The following CAMK4 variants were observed in gnomAD, a reference collection of about 807,000 sequenced individuals.
CAMK4 encodes calcium/calmodulin-dependent protein kinase type IV.
Under a neutral mutation model 44.9 loss-of-function variants are expected in CAMK4, and 22 were observed. The ratio of observed to expected loss-of-function variants is 0.49; its 90% CI spans 0.35 to 0.70. The LOEUF (loss-of-function observed/expected upper bound fraction) is 0.70, where lower values mean the gene tolerates loss of function less well. Among genes scored for constraint, CAMK4 ranks in the 30% least tolerant of loss-of-function variants. The pLI, the probability that CAMK4 is intolerant of heterozygous loss-of-function variation, is 0.01. For missense variants in CAMK4, 498 were observed against 586.8 expected (o/e 0.85, Z 1.56); for synonymous variants, 218 against 215.4 (o/e 1.01, Z -0.11).
chr5:111,299,730 T>G (rs149395999), intron 1 of CAMK4, among the ~76,000 whole-genome samples: 38 of 152,318 alleles, frequency 2.5e-4, no homozygotes, highest in African/African-American at 8.9e-4. Context: ...AGCTAGTGCT[T>G]TGCTTCTGTT....
chr5:111,376,954 C>A lies in CAMK4; in HGVS notation c.386+12C>A. 6.5e-7 allele frequency: 1 copy of A among 1,549,480 alleles called. No individual in the cohort carries two copies. The highest frequency in any genetic ancestry group is 8.8e-7 in the Non-Finnish European group (1 of 1,133,346). ...GAACTGTTTGATAGGTGAGTTGGTTCTGGAAATATAACCACAGAAAGGTTT... is the reference window on the plus strand; with the variant it reads ...GAACTGTTTGATAGGTGAGTTGGTTATGGAAATATAACCACAGAAAGGTTT... On this transcript the variant is annotated intron_variant, in intron 4 of 10. Transcript: ENST00000282356.
chr5:111,270,645 A>G (rs189828549), intron 1 of CAMK4, among the ~76,000 whole-genome samples: 1 of 152,126 alleles, frequency 6.6e-6, no homozygotes, highest in East Asian at 1.9e-4. Flanking sequence ...ACTCCTCTTA[A>G]ATTCCATGAA....
intron 7 of CAMK4, among the ~76,000 whole-genome samples, chr5:111,467,934 TCACACA>T (rs60254627): frequency 0.18 from 26,390 of 143,354 alleles, 2,847 homozygotes; most frequent in Non-Finnish European, 0.25. Flanking sequence ...AAAGAAATTG[TCACACA>T]CACACACACA....
intron 1 of CAMK4, 21 bp from the exon 2 acceptor site, chr5:111,344,003 T>C (rs1474581802): frequency 4.8e-6 from 7 of 1,473,468 alleles, no homozygotes; most frequent in Non-Finnish European, 6.6e-6. Context: ...ACATTTTCTT[T>C]TTGTCTTTTT....
At chr5:111,301,793 T>A in intron 1 of CAMK4, among the ~76,000 whole-genome samples, 1 of 152,220 alleles carries the variant, frequency 6.6e-6, no homozygotes, top group Non-Finnish European at 1.5e-5. Context: ...ATTTATAGAT[T>A]AAGTTTTATT....
chr5:111,398,112 T>C (rs1175386484), intron 5 of CAMK4, among the ~76,000 whole-genome samples: 1 of 152,138 alleles, frequency 6.6e-6, no homozygotes, highest in Admixed American at 6.5e-5. Flanking sequence ...TTCCCTCTGC[T>C]CTCTTCCAAC....
At chr5:111,457,547 G>T (rs1048952030) in intron 7 of CAMK4, among the ~76,000 whole-genome samples, 1 of 152,166 alleles carries the variant, frequency 6.6e-6, no homozygotes, top group African/African-American at 2.4e-5. Flanking sequence ...TAACCCATTA[G>T]ATTCACTATG....
intron 5 of CAMK4, among the ~76,000 whole-genome samples, chr5:111,420,183 G>A (rs989427351): frequency 6.6e-6 from 1 of 151,486 alleles, no homozygotes; most frequent in African/African-American, 2.4e-5. Flanking sequence ...GGATTCCTAG[G>A]TATTTTATTC....
rs1378512880 is a variant in CAMK4 at position 111,482,512 on chromosome 5, G to A, written c.829-273G>A. 1 of 268,150 alleles carries A rather than the reference G, an allele frequency of 3.7e-6. No individual in the cohort carries two copies. Among genetic ancestry groups the A allele is most frequent in the Non-Finnish European group, 6.9e-6 (1 of 144,422 alleles). 16.6% of individuals were successfully genotyped at this position (268,150 alleles called of 1,614,324 possible). Reference sequence around the variant, plus strand: ...CAAAGAACTTCCAGTCCACAGGCAAGTGAGGAGCTGTTTCTTGACTTCTGT... The same window carrying A: ...CAAAGAACTTCCAGTCCACAGGCAAATGAGGAGCTGTTTCTTGACTTCTGT... On this transcript the variant is annotated intron_variant, in intron 9 of 10. Coordinates refer to ENST00000282356, the MANE Select transcript of CAMK4 (RefSeq NM_001744.6). The surrounding 1 kb of genome is among the most constrained non-coding windows in gnomAD (Gnocchi z 4.9).
At chr5:111,427,088 C>T (rs981239869) in intron 5 of CAMK4, among the ~76,000 whole-genome samples, 3 of 152,100 alleles carry the variant, frequency 2.0e-5, no homozygotes, top group African/African-American at 7.2e-5. Flanking sequence ...AAAAGACACC[C>T]CTTCCTTTTG....
At chr5:111,314,416 C>G (rs941219162) in intron 1 of CAMK4, among the ~76,000 whole-genome samples, 2 of 152,054 alleles carry the variant, frequency 1.3e-5, no homozygotes, top group Non-Finnish European at 2.9e-5. Flanking sequence ...TACAACAGAG[C>G]TTTATAACAG....
intron 1 of CAMK4, among the ~76,000 whole-genome samples, chr5:111,291,530 ATTTG>A (rs1236016412): frequency 1.3e-5 from 2 of 152,106 alleles, no homozygotes; most frequent in Non-Finnish European, 2.9e-5. Flanking sequence ...TATTTTTGAT[ATTTG>A]TAGAGACAGG....
At chr5:111,464,418 G>A (rs1326978384) in intron 7 of CAMK4, among the ~76,000 whole-genome samples, 3 of 152,184 alleles carry the variant, frequency 2.0e-5, no homozygotes, top group Non-Finnish European at 4.4e-5. Flanking sequence ...ATATTTGTGG[G>A]AATAGTTGAG....
intron 1 of CAMK4, among the ~76,000 whole-genome samples, chr5:111,301,358 C>T (rs1489580635): frequency 6.6e-6 from 1 of 152,120 alleles, no homozygotes; most frequent in Non-Finnish European, 1.5e-5. Flanking sequence ...CTTGAAATTA[C>T]AGGAATTGAC....
intron 4 of CAMK4, among the ~76,000 whole-genome samples, chr5:111,386,012 A>G (rs1751588808): frequency 6.6e-6 from 1 of 152,178 alleles, no homozygotes; most frequent in Non-Finnish European, 1.5e-5. Flanking sequence ...GCCAGCACCC[A>G]CATTGATCCA....
chr5:111,277,054 T>C (rs1233636140), intron 1 of CAMK4, among the ~76,000 whole-genome samples: 2 of 152,208 alleles, frequency 1.3e-5, no homozygotes, highest in Non-Finnish European at 2.9e-5. Flanking sequence ...TTTCCATTTC[T>C]CAGGAGGTGT....
intron 5 of CAMK4, among the ~76,000 whole-genome samples, chr5:111,414,692 A>G (rs1033890661): frequency 2.6e-5 from 4 of 152,248 alleles, no homozygotes; most frequent in African/African-American, 9.6e-5. Context: ...GTCAAATAAA[A>G]AGTATTTTAA....
intron 5 of CAMK4, among the ~76,000 whole-genome samples, chr5:111,419,000 T>C (rs1752920661): frequency 6.6e-6 from 1 of 152,122 alleles, no homozygotes; most frequent in Admixed American, 6.5e-5. Flanking sequence ...TAGTTCTAGA[T>C]CCCTGAGGAA....
At chr5:111,380,923 C>G (rs1383373908) in intron 4 of CAMK4, among the ~76,000 whole-genome samples, 1 of 152,124 alleles carries the variant, frequency 6.6e-6, no homozygotes, top group South Asian at 2.1e-4. Flanking sequence ...CTTGTCAAGT[C>G]TTATTCACAA....
Sources: gnomAD v4.1 joint callset for allele counts (sites outside exome capture counted in the v4.1 genomes callset) on GRCh38, gnomAD v4.1.1 for gene constraint, Gnocchi (gnomAD v3.1) non-coding constraint, MANE v1.5 for transcripts, NCBI Gene and HGNC (gene_info 2026-07-23, HGNC 2026-07-21) for gene names.